Variants in TMEM132D observed in about 807,000 individuals in gnomAD.
TMEM132D encodes transmembrane protein 132D, also known as mature OL transmembrane protein.
TMEM132D carries 21 observed loss-of-function variants against 62.3 expected under a neutral mutation model. The ratio of observed to expected loss-of-function variants is 0.34; its 90% CI spans 0.24 to 0.49. TMEM132D has a LOEUF of 0.49. TMEM132D is among the 20% of genes least tolerant of loss of function. The pLI, the probability that TMEM132D is intolerant of heterozygous loss-of-function variation, is 0.99. For missense variants in TMEM132D, 1,346 were observed against 1,402.8 expected, an observed-to-expected ratio of 0.96 and a Z score of 0.65; for synonymous variants, 621 against 575.6, an observed-to-expected ratio of 1.08 and a Z score of -1.13.
At chr12:129,832,786 C>T (rs1183739993) in intron 1 of TMEM132D, among the ~76,000 whole-genome samples, 2 of 152,168 alleles carry the variant, frequency 1.3e-5, no homozygotes, top group Non-Finnish European at 2.9e-5. Flanking sequence ...CTTTATGGAG[C>T]CGTCACTTTT....
intron 3 of TMEM132D, among the ~76,000 whole-genome samples, chr12:129,486,668 T>C (rs931387712): frequency 6.6e-6 from 1 of 152,202 alleles, no homozygotes; most frequent in African/African-American, 2.4e-5. Flanking sequence ...GTGATGTCCA[T>C]GTGGACACGA....
At chr12:129,140,189 T>A (rs1876697641) in intron 5 of TMEM132D, among the ~76,000 whole-genome samples, 1 of 149,806 alleles carries the variant, frequency 6.7e-6, no homozygotes, top group Admixed American at 6.7e-5. Flanking sequence ...CTAAAATTTA[T>A]CAAGGGAGAT....
chr12:129,401,867 C>T (rs773819225), intron 3 of TMEM132D, among the ~76,000 whole-genome samples: 1 of 152,086 alleles, frequency 6.6e-6, no homozygotes, highest in South Asian at 2.1e-4. Context: ...TGTTCGATAA[C>T]GTGTAAAGAT....
intron 4 of TMEM132D, among the ~76,000 whole-genome samples, chr12:129,333,361 A>C (rs1194645432): frequency 1.3e-5 from 2 of 152,246 alleles, no homozygotes; most frequent in Non-Finnish European, 2.9e-5. Flanking sequence ...GGAGTTCATT[A>C]AAAATGTGTG....
In TMEM132D at chr12:129,337,815, G is replaced by A. The variant is rs749108405; in HGVS notation, c.1118C>T (p.Ala373Val). 6.9e-6 allele frequency: 11 copies of A among 1,605,094 alleles called. No homozygotes were observed. Among genetic ancestry groups the A allele is most frequent in the Admixed American group, 5.1e-5 (3 of 59,196 alleles). Residue 373 changes from alanine (A) to valine (V), a missense_variant and splice_region_variant, in exon 4 of 9, where the codon GCG (alanine) becomes GTG (valine). Transcript: ENST00000422113. ...CATGACCTCGTAGGAGGCGCCATCC[G>A]CACTGGAGAGAAGACACAGAGGAGA... is the stretch of plus-strand genomic sequence containing the variant. ...QKKAAGSENSADGASYEVMQI... is the reference protein window; with the variant it reads ...QKKAAGSENSVDGASYEVMQI...
At chr12:129,667,625 GTC>G (rs1260050722) in intron 2 of TMEM132D, among the ~76,000 whole-genome samples, 1 of 151,940 alleles carries the variant, frequency 6.6e-6, no homozygotes, top group Non-Finnish European at 1.5e-5. Context: ...TATAAATTAT[GTC>G]TCTTTCTAAC....
chr12:129,235,661 C>G (rs980121903), intron 4 of TMEM132D, among the ~76,000 whole-genome samples: 1 of 152,104 alleles, frequency 6.6e-6, no homozygotes, highest in Non-Finnish European at 1.5e-5. Flanking sequence ...GATTTGAATA[C>G]TCAACCTATA....
rs955166675 is a variant in TMEM132D, at chr12:129,174,129, C to T, written c.1443+35391G>A. On this transcript the variant is annotated intron_variant, in intron 5 of 8. Coordinates refer to ENST00000422113, the MANE Select transcript of TMEM132D (RefSeq NM_133448.3). Reference sequence around the variant, plus strand: ...CTTTATTTTATTTTACCTTAAGTTGCAGGATACATGTGCAGAACATGCAGG... The same window carrying T: ...CTTTATTTTATTTTACCTTAAGTTGTAGGATACATGTGCAGAACATGCAGG... Among the ~76,000 whole-genome samples the T allele has an allele frequency of 3.3e-5, 5 of 152,162 alleles. No individual in the cohort carries two copies. In the East Asian group the frequency reaches 9.6e-4, roughly 29 times the overall value.
chr12:129,589,680 C>T (rs995557176), intron 2 of TMEM132D, among the ~76,000 whole-genome samples: 6 of 152,146 alleles, frequency 3.9e-5, no homozygotes, highest in Non-Finnish European at 7.3e-5. Context: ...TGCTTGATGA[C>T]TTGTGGGCAG....
At chr12:129,230,765 A>G (rs1429299560) in intron 4 of TMEM132D, among the ~76,000 whole-genome samples, 1 of 152,218 alleles carries the variant, frequency 6.6e-6, no homozygotes, top group African/African-American at 2.4e-5. Flanking sequence ...GGGTTCAAGA[A>G]GCAACTCTTG....
At chr12:129,226,232 A>G (rs945609100) in intron 4 of TMEM132D, among the ~76,000 whole-genome samples, 2 of 152,238 alleles carry the variant, frequency 1.3e-5, no homozygotes, top group Non-Finnish European at 2.9e-5. Flanking sequence ...CTATAGGAAC[A>G]TGAGTTCTTG....
chr12:129,527,266 A>G (rs954661563), intron 3 of TMEM132D, among the ~76,000 whole-genome samples: 2 of 152,204 alleles, frequency 1.3e-5, no homozygotes, highest in African/African-American at 4.8e-5. Flanking sequence ...CCAAGATCGC[A>G]CCACTGCACT....
chr12:129,763,466 C>A (rs536557127), intron 1 of TMEM132D, among the ~76,000 whole-genome samples: 2 of 147,162 alleles, frequency 1.4e-5, no homozygotes, highest in Non-Finnish European at 3.0e-5. Context: ...AAAATATCAG[C>A]AGCTTTAGGT....
chr12:129,437,716 C>G (rs921820706), intron 3 of TMEM132D, among the ~76,000 whole-genome samples: 1 of 149,198 alleles, frequency 6.7e-6, no homozygotes, highest in East Asian at 2.0e-4. Flanking sequence ...CCTTCAGGAG[C>G]TGAATGCTCA....
chr12:129,880,808 G>A (rs1326874373), intron 1 of TMEM132D, among the ~76,000 whole-genome samples: 1 of 152,076 alleles, frequency 6.6e-6, no homozygotes, highest in Non-Finnish European at 1.5e-5. Flanking sequence ...GGGGATGCCA[G>A]AAGGCCACAA....
intron 3 of TMEM132D, among the ~76,000 whole-genome samples, chr12:129,339,833 C>T (rs1032864658): frequency 6.6e-6 from 1 of 152,276 alleles, no homozygotes; most frequent in South Asian, 2.1e-4. Context: ...GCATTACTTG[C>T]GTTTGAGCTG....
At chr12:129,260,094 G>A (rs985730917) in intron 4 of TMEM132D, among the ~76,000 whole-genome samples, 5 of 152,138 alleles carry the variant, frequency 3.3e-5, no homozygotes, top group Admixed American at 6.6e-5. Flanking sequence ...TTAAAGCTTC[G>A]AAATGAAAGA....
intron 5 of TMEM132D, among the ~76,000 whole-genome samples, chr12:129,205,232 A>T (rs1315035591): frequency 2.6e-5 from 4 of 152,222 alleles, no homozygotes; most frequent in Non-Finnish European, 5.9e-5. Context: ...AGCTGGATAA[A>T]GAAACAAGAC....
chr12:129,692,561 C>T (rs1274499982), intron 2 of TMEM132D, among the ~76,000 whole-genome samples: 2 of 152,148 alleles, frequency 1.3e-5, no homozygotes, highest in Non-Finnish European at 2.9e-5. Context: ...CAGCACTATT[C>T]ACACTATTCA....
Sources: allele counts gnomAD v4.1 joint callset (sites outside exome capture counted in the v4.1 genomes callset), GRCh38; gene constraint gnomAD v4.1.1; transcripts MANE v1.5; gene names NCBI Gene and HGNC (gene_info 2026-07-23, HGNC 2026-07-21).